ADCY10: variants seen among roughly 807,000 people sequenced by gnomAD.
ADCY10 encodes the protein adenylate cyclase 10.
Under a neutral mutation model 183.3 loss-of-function variants are expected in ADCY10, and 156 were observed. The observed-to-expected ratio is 0.85, with a 90% CI of 0.75 to 0.97. The LOEUF (loss-of-function observed/expected upper bound fraction) is 0.97. ADCY10 is among the 50% of genes least tolerant of loss of function. The pLI is 0.00. For synonymous variants in ADCY10, 645 were observed against 670.0 expected (o/e 0.96, Z 0.58); for missense variants, 1,745 against 1,934.3 (o/e 0.90, Z 1.84).
chr1:167,845,450 C>T (rs1664934173), intron 21 of ADCY10, 113 bp downstream of exon 21: 1 of 1,120,022 alleles, frequency 8.9e-7, no homozygotes, highest in South Asian at 1.4e-5. Flanking sequence ...ATTCTTTGTG[C>T]CCAAGCCGCT....
chr1:167,892,657 TA>T (rs1339652483), intron 8 of ADCY10, among the ~76,000 whole-genome samples: 1 of 152,128 alleles, frequency 6.6e-6, no homozygotes. Context: ...ATGCAGGCAC[TA>T]GGGGTAATGT....
chr1:167,845,103 C>T (rs1664908423), intron 21 of ADCY10, among the ~76,000 whole-genome samples: 1 of 152,228 alleles, frequency 6.6e-6, no homozygotes, highest in Admixed American at 6.5e-5. Flanking sequence ...GCCCTGTTTT[C>T]TGGAGCCCTG....
At position 167,833,028 on chromosome 1, in the gene ADCY10, A is replaced by G. The variant is rs369038387; in HGVS notation, c.3552T>C (p.Phe1184=). 5 of 1,614,008 alleles carry G rather than the reference A, an allele frequency of 3.1e-6. No individual in the cohort carries two copies. The African/African-American group carries it at 6.7e-5, about 22-fold the overall frequency. ...CTTGGGCCTGCCGATTCACATAATG[A>G]AAGTGTCTGTTTTTCTCGACATGGA... ...LHIHVEKNRH[F]HYVNRQAQES... is the part of the protein sequence containing the mutation. The change falls in exon 25 of 33, where the codon TTT becomes TTC. Residue 1184 remains phenylalanine, a synonymous_variant. Coordinates refer to ENST00000367851, the MANE Select transcript of ADCY10 (RefSeq NM_018417.6).
chr1:167,845,648 G>A lies in ADCY10; in HGVS notation c.2922C>T (p.Pro974=). 1 of 1,614,260 alleles carries A rather than the reference G, an allele frequency of 6.2e-7. No homozygotes were observed. The highest frequency in any genetic ancestry group is 1.7e-5 in the Admixed American group (1 of 60,030). The part of the protein sequence containing the change: ...CDHCRGRDFI[P]YHHFTVNIRL... ...GAATATTCACTGTGAAGTGATGATA[G>A]GGAATGAAGTCCCTGCCTCGGCAGT... Residue 974 remains proline, a synonymous_variant, in exon 21 of 33, where the codon CCC becomes CCT. Coordinates refer to ENST00000367851, the MANE Select transcript of ADCY10 (RefSeq NM_018417.6).
intron 10 of ADCY10, 97 bp from the exon 11 acceptor site, chr1:167,880,288 G>A: frequency 8.4e-7 from 1 of 1,194,636 alleles, no homozygotes; most frequent in Non-Finnish European, 1.2e-6. Flanking sequence ...GTTGGGAAAG[G>A]GTGGGAAAGG....
At chr1:167,836,632 G>A (rs1664225047) in intron 22 of ADCY10, 92 bp from the exon 23 acceptor site, 2 of 918,460 alleles carry the variant, frequency 2.2e-6, no homozygotes, top group Non-Finnish European at 3.5e-6. Flanking sequence ...GCTCACGCCT[G>A]TAATTCCAGC....
intron 1 of ADCY10, among the ~76,000 whole-genome samples, chr1:167,911,408 G>A (rs1670141221): frequency 6.6e-6 from 1 of 152,222 alleles, no homozygotes; most frequent in African/African-American, 2.4e-5. Context: ...GCCCTGGCAT[G>A]CTTATACTGG....
chr1:167,874,024 G>C (rs1357831228), intron 13 of ADCY10, among the ~76,000 whole-genome samples: 1 of 152,148 alleles, frequency 6.6e-6, no homozygotes, highest in African/African-American at 2.4e-5. Context: ...GTGAAAAATT[G>C]TACAGGTACT....
At chr1:167,850,317 G>A (rs768437326) in intron 18 of ADCY10, among the ~76,000 whole-genome samples, 3 of 152,072 alleles carry the variant, frequency 2.0e-5, no homozygotes, top group Non-Finnish European at 4.4e-5. Flanking sequence ...GTGGTTGAGC[G>A]GGAGGATAAT....
intron 18 of ADCY10, among the ~76,000 whole-genome samples, chr1:167,851,229 C>T (rs1665455461): frequency 6.6e-6 from 1 of 152,016 alleles, no homozygotes; most frequent in South Asian, 2.1e-4. Context: ...TCCTGTTGCC[C>T]AGGCTGGAGT....
rs1571448162 is a variant in ADCY10, at chr1:167,899,620, C to T, written c.445G>A (p.Ala149Thr). Reference protein sequence around the residue: ...LDIRVKIGLAAGHISMLVFGD... With the variant: ...LDIRVKIGLATGHISMLVFGD... ...AAGACCAACATGCTGATGTGGCCAGCAGCCAGTCCTGGCAAGAAGGCAAGG... is the reference window on the plus strand; with the variant it reads ...AAGACCAACATGCTGATGTGGCCAGTAGCCAGTCCTGGCAAGAAGGCAAGG... Residue 149 changes from alanine to threonine, a missense_variant, in exon 6 of 33, where the codon GCT becomes ACT. Physicochemically the swap from Ala to Thr is moderately conservative, Grantham distance 58 (BLOSUM62 0). Transcript: ENST00000367851. 1 of 1,613,904 alleles carries T rather than the reference C, an allele frequency of 6.2e-7. No homozygotes were observed. Among genetic ancestry groups the T allele is most frequent in the South Asian group, 1.1e-5 (1 of 91,062 alleles).
Position 167,845,556 on chromosome 1 carries a change from A to C in ADCY10, c.3007+7T>G, listed in dbSNP as rs1206471810. On this transcript the variant is annotated splice_region_variant and intron_variant, in intron 21 of 32. Coordinates refer to ENST00000367851, the MANE Select transcript of ADCY10 (RefSeq NM_018417.6). Reference sequence around the variant, plus strand: ...AGTTAGGATAATTTTAAAATGAAGTAGGTTACTTTTAAATCCATGAGACAT... The same window carrying C: ...AGTTAGGATAATTTTAAAATGAAGTCGGTTACTTTTAAATCCATGAGACAT... The C allele has an allele frequency of 3.1e-6, 5 of 1,613,236 alleles. No individual in the cohort carries two copies. The highest frequency in any genetic ancestry group is 4.2e-6 in the Non-Finnish European group (5 of 1,179,274).
At chr1:167,861,816 T>C (rs909649254) in intron 14 of ADCY10, among the ~76,000 whole-genome samples, 3 of 152,142 alleles carry the variant, frequency 2.0e-5, no homozygotes, top group African/African-American at 7.2e-5. Flanking sequence ...GAGAGACCTG[T>C]TGGGAAGTGA....
intron 26 of ADCY10, among the ~76,000 whole-genome samples, chr1:167,826,764 A>G (rs891607508): frequency 1.3e-5 from 2 of 152,214 alleles, no homozygotes; most frequent in Non-Finnish European, 2.9e-5. Context: ...AGAAATTGTC[A>G]AATGGTAATA....
intron 14 of ADCY10, among the ~76,000 whole-genome samples, chr1:167,864,281 C>A (rs1463478780): frequency 2.0e-5 from 3 of 152,136 alleles, no homozygotes; most frequent in African/African-American, 7.2e-5. Context: ...GCCCACCCTA[C>A]TAGAAACTAT....
intron 18 of ADCY10, among the ~76,000 whole-genome samples, chr1:167,852,392 C>T (rs1055903696): frequency 1.3e-5 from 2 of 151,768 alleles, no homozygotes; most frequent in Non-Finnish European, 2.9e-5. Flanking sequence ...TGCAGTGAGC[C>T]GAGATCGTTC....
chr1:167,883,150 G>T (rs935447178), intron 9 of ADCY10, among the ~76,000 whole-genome samples: 2 of 152,206 alleles, frequency 1.3e-5, no homozygotes, highest in African/African-American at 4.8e-5. Flanking sequence ...CCATTGTCCT[G>T]CCTCAGCCTC....
At chr1:167,854,242 C>T in intron 18 of ADCY10, 111 bp downstream of exon 18, 2 of 1,343,994 alleles carry the variant, frequency 1.5e-6, no homozygotes, top group African/African-American at 1.4e-5. Context: ...CCAGAACCTT[C>T]TGACTCTACA....
At chr1:167,872,720 T>A (rs1667189504) in intron 13 of ADCY10, among the ~76,000 whole-genome samples, 1 of 150,272 alleles carries the variant, frequency 6.7e-6, no homozygotes. Context: ...TATGTGGACC[T>A]GATCTTTATG....
Sources: allele counts gnomAD v4.1 joint callset (sites outside exome capture counted in the v4.1 genomes callset), GRCh38; gene constraint gnomAD v4.1.1; transcripts MANE v1.5; gene names NCBI Gene and HGNC (gene_info 2026-07-23, HGNC 2026-07-21).